Variants in SLC71A2 observed in about 807,000 individuals in gnomAD.
SLC71A2 encodes the protein solute carrier family 71 member 2, also known as hippocampus abundant transcript-like 1.
the SLC71A2 span, among the ~76,000 whole-genome samples, chr9:94,397,578 A>G: frequency 1.4e-4 from 21 of 152,128 alleles, no homozygotes; most frequent in South Asian, 8.3e-4. Context: ...ATTTTACTGA[A>G]TGTTCTTTTT....
At chr9:94,403,503 C>CT in the SLC71A2 span, among the ~76,000 whole-genome samples, 20,989 of 143,946 alleles carry the variant, frequency 0.15, 1,573 homozygotes, top group Non-Finnish European at 0.16. Flanking sequence ...AGTCAGTTTC[C>CT]TTTTTTTTTT....
chr9:94,455,527 T>G, the SLC71A2 span, among the ~76,000 whole-genome samples: 11 of 152,236 alleles, frequency 7.2e-5, no homozygotes, highest in African/African-American at 2.6e-4. Context: ...CTGTGACTTT[T>G]TACCAGATTA....
the SLC71A2 span, among the ~76,000 whole-genome samples, chr9:94,397,952 T>G: frequency 6.6e-6 from 1 of 152,206 alleles, no homozygotes; most frequent in East Asian, 1.9e-4. Context: ...CTGTACACTT[T>G]GGAAGGAAGT....
the SLC71A2 span, among the ~76,000 whole-genome samples, chr9:94,420,384 T>C: frequency 6.6e-6 from 1 of 152,244 alleles, no homozygotes; most frequent in African/African-American, 2.4e-5. Context: ...TGGTAGCGGC[T>C]CAAAACTGAA....
At chr9:94,385,859 C>A in the SLC71A2 span, among the ~76,000 whole-genome samples, 11 of 152,022 alleles carry the variant, frequency 7.2e-5, no homozygotes, top group South Asian at 1.7e-3. Context: ...TTGAGGTGAT[C>A]CTGAATTCTG....
the SLC71A2 span, among the ~76,000 whole-genome samples, chr9:94,391,197 CAAAAAAAA>C: frequency 0.014 from 838 of 59,066 alleles, 9 homozygotes; most frequent in African/African-American, 0.047. Context: ...ATGTCTCTAC[CAAAAAAAA>C]AAAAAAAAAA....
At chr9:94,444,832 G>A in the SLC71A2 span, 2 of 713,568 alleles carry the variant, frequency 2.8e-6, no homozygotes, top group Non-Finnish European at 4.9e-6. Flanking sequence ...CTGCAGGTAT[G>A]CACCTGTGGG....
the SLC71A2 span, chr9:94,459,595 C>CTT: frequency 1.6e-3 from 733 of 456,672 alleles, no homozygotes; most frequent in South Asian, 3.2e-3. Context: ...CTCTTACATT[C>CTT]TTTTTTTTTT....
the SLC71A2 span, among the ~76,000 whole-genome samples, chr9:94,392,529 TCTCA>T: frequency 6.6e-5 from 10 of 151,402 alleles, no homozygotes; most frequent in East Asian, 1.9e-3. Flanking sequence ...TGAGACGGAG[TCTCA>T]CTCTGTTGCC....
the SLC71A2 span, among the ~76,000 whole-genome samples, chr9:94,439,641 T>TATAA: frequency 6.6e-6 from 1 of 152,018 alleles, no homozygotes; most frequent in Non-Finnish European, 1.5e-5. Flanking sequence ...ATTGGGTACT[T>TATAA]ATAATCATTT....
chr9:94,379,099 T>TTTTTTTTTTTTTC, the SLC71A2 span, among the ~76,000 whole-genome samples: 1 of 141,236 alleles, frequency 7.1e-6, no homozygotes, highest in Non-Finnish European at 1.5e-5. Context: ...CTTTTTTTTT[T>TTTTTTTTTTTTTC]TTTTGAGACG....
chr9:94,439,337 C>A, the SLC71A2 span, among the ~76,000 whole-genome samples: 1 of 148,612 alleles, frequency 6.7e-6, no homozygotes. Flanking sequence ...TTGTATAAAT[C>A]GGGAGAGTAT....
At chr9:94,451,945 A>G in the SLC71A2 span, among the ~76,000 whole-genome samples, 1 of 152,266 alleles carries the variant, frequency 6.6e-6, no homozygotes, top group Non-Finnish European at 1.5e-5. Flanking sequence ...CGGAAGCCAC[A>G]GTGGTTCCCC....
At chr9:94,438,027 C>T in the SLC71A2 span, among the ~76,000 whole-genome samples, 1 of 152,136 alleles carries the variant, frequency 6.6e-6, no homozygotes, top group Non-Finnish European at 1.5e-5. Context: ...CTCTCGGGTT[C>T]AAGTGATTCT....
chr9:94,444,853 A>G, the SLC71A2 span: 1 of 899,606 alleles, frequency 1.1e-6, no homozygotes, highest in Admixed American at 2.0e-5. Flanking sequence ...ACCCTGGTTG[A>G]GTGTGCTTTC....
chr9:94,420,913 T>A, the SLC71A2 span, among the ~76,000 whole-genome samples: 1 of 152,050 alleles, frequency 6.6e-6, no homozygotes, highest in Non-Finnish European at 1.5e-5. Flanking sequence ...AAATTAAAGT[T>A]AAAATTAAAA....
the SLC71A2 span, chr9:94,445,118 C>G: frequency 6.2e-7 from 1 of 1,614,196 alleles, no homozygotes. Context: ...GAATCTCTGC[C>G]TGAGAAAATG....
chr9:94,411,881 TC>T, the SLC71A2 span, among the ~76,000 whole-genome samples: 1 of 152,178 alleles, frequency 6.6e-6, no homozygotes, highest in Non-Finnish European at 1.5e-5. Flanking sequence ...GTGAGCCACT[TC>T]CCCTGGCCCA....
the SLC71A2 span, among the ~76,000 whole-genome samples, chr9:94,408,014 CTTATT>C: frequency 6.6e-6 from 1 of 152,020 alleles, no homozygotes; most frequent in Non-Finnish European, 1.5e-5. Flanking sequence ...TCAAGTAGCC[CTTATT>C]TTATTTAATA....
Sources: allele counts gnomAD v4.1 joint callset (sites outside exome capture counted in the v4.1 genomes callset), GRCh38; gene constraint gnomAD v4.1.1; transcripts MANE v1.5; gene names NCBI Gene and HGNC (gene_info 2026-07-23, HGNC 2026-07-21).